PCDHB2: variants seen among roughly 807,000 people sequenced by gnomAD.
PCDHB2 encodes protocadherin beta-2.
For missense variants in PCDHB2, 914 were observed against 1,023.1 expected, an observed-to-expected ratio of 0.89 and a Z score of 1.45; for synonymous variants, 395 against 464.9, an observed-to-expected ratio of 0.85 and a Z score of 1.93.
rs1554271057 is a variant in PCDHB2 at position 141,094,777 on chromosome 5, G to C, written c.-14G>C. The stretch of plus-strand genomic sequence containing the variant: ...GCCAGAGCTGGAGCACGTTTGGTGA[G>C]AGACCAGAAAGCAATGGAGGCCGGA... On this transcript the variant is annotated 5_prime_UTR_variant, in exon 1 of 1. Transcript: ENST00000194155. 6.5e-7 allele frequency: 1 copy of C among 1,535,028 alleles called. No individual in the cohort carries two copies. Among genetic ancestry groups the C allele is most frequent in the Admixed American group, 2.1e-5 (1 of 48,536 alleles).
Position 141,096,714 on chromosome 5 carries a change from C to G in PCDHB2, c.1924C>G (p.Leu642Val). The change falls in exon 1 of 1, where the codon CTG becomes GTG. Residue 642 changes from leucine to valine, a missense_variant. Leu to Val is a conservative substitution (Grantham distance 32). Coordinates refer to ENST00000194155, the MANE Select transcript of PCDHB2 (RefSeq NM_018936.4). ...LRERDAAKQR[L>V]VVLVKDNGEP... Reference sequence around the variant, plus strand: ...GGAGCGCGACGCTGCCAAGCAGAGGCTGGTGGTGCTGGTCAAGGACAATGG... The same window carrying G: ...GGAGCGCGACGCTGCCAAGCAGAGGGTGGTGGTGCTGGTCAAGGACAATGG... The G allele has an allele frequency of 3.7e-6, 6 of 1,610,576 alleles. No individual in the cohort carries two copies. The highest frequency in any genetic ancestry group is 5.1e-6 in the Non-Finnish European group (6 of 1,179,674).
At position 141,096,228 on chromosome 5, in the gene PCDHB2, A is replaced by C. The variant is rs140532159; in HGVS notation, c.1438A>C (p.Arg480=). 5.6e-6 allele frequency: 9 copies of C among 1,612,754 alleles called. No homozygotes were observed. In the Admixed American group the frequency reaches 1.5e-4, roughly 27 times the overall value. The change falls in exon 1 of 1, where the codon AGA becomes CGA. Residue 480 remains arginine, a synonymous_variant. Coordinates refer to ENST00000194155, the MANE Select transcript of PCDHB2 (RefSeq NM_018936.4). The part of the protein sequence containing the change: ...LHIGSVSATD[R]DSGTNAQVTY... ...CATCGGCAGCGTCAGCGCCACAGAC[A>C]GAGACTCGGGCACCAACGCCCAGGT... is the stretch of plus-strand genomic sequence containing the variant.
rs538928578 is a variant in PCDHB2 at position 141,096,970 on chromosome 5, G to C, written c.2180G>C (p.Cys727Ser). ...AGCAGGGCGGCCTCGGTGGGTCGCT[G>C]CTCGGTGCCCGAGGGCCCCTTTCCA... ...RRSRAASVGRCSVPEGPFPGQ... is the reference protein window; with the variant it reads ...RRSRAASVGRSSVPEGPFPGQ... The change falls in exon 1 of 1, where the codon TGC becomes TCC. Residue 727 changes from cysteine (C) to serine (S), a missense_variant. Physicochemically the swap from Cys to Ser is moderately radical, Grantham distance 112. Coordinates refer to ENST00000194155, the MANE Select transcript of PCDHB2 (RefSeq NM_018936.4). 8.1e-6 allele frequency: 13 copies of C among 1,612,546 alleles called. No individual in the cohort carries two copies. Among genetic ancestry groups the C allele is most frequent in the Non-Finnish European group, 8.5e-7 (1 of 1,179,912 alleles).
rs782710698 is a variant in PCDHB2, at chr5:141,095,733, C to T, written c.943C>T (p.Gln315Ter). 3.7e-5 allele frequency: 60 copies of T among 1,614,016 alleles called. No individual in the cohort carries two copies. The highest frequency in any genetic ancestry group is 4.7e-5 in the Non-Finnish European group (56 of 1,180,006). ...ACAGAAACTGGATTTCGAATCCATCCAGACATACACAGTAAATATTCAGGC... is the reference window on the plus strand; with the variant it reads ...ACAGAAACTGGATTTCGAATCCATCTAGACATACACAGTAAATATTCAGGC... ...LRQKLDFESIQTYTVNIQATD... is the reference protein window; with the variant it reads ...LRQKLDFESI The change falls in exon 1 of 1, where the codon CAG (glutamine) becomes TAG (stop). Residue 315 changes from glutamine (Q) to a stop codon, truncating the protein, a stop_gained. Coordinates refer to ENST00000194155, the MANE Select transcript of PCDHB2 (RefSeq NM_018936.4). LOFTEE classifies it low-confidence loss of function (END_TRUNC).
In PCDHB2 at chr5:141,095,235, A is replaced by G; in HGVS notation, c.445A>G (p.Thr149Ala). 1 of 1,612,802 alleles carries G rather than the reference A, an allele frequency of 6.2e-7. No homozygotes were observed. Among genetic ancestry groups the G allele is most frequent in the Non-Finnish European group, 8.5e-7 (1 of 1,179,396 alleles). Residue 149 changes from threonine (T) to alanine (A), a missense_variant, in exon 1 of 1, where the codon ACT becomes GCT. Physicochemically the swap from Thr to Ala is moderately conservative, Grantham distance 58. Coordinates refer to ENST00000194155, the MANE Select transcript of PCDHB2 (RefSeq NM_018936.4). The part of the protein sequence containing the change: ...EILLKIPESI[T>A]PGTTFLIERA... ...ACTTTTGAAAATTCCAGAAAGTATC[A>G]CTCCTGGAACTACTTTCTTAATAGA...
At position 141,098,364 on chromosome 5, in the gene PCDHB2, A is replaced by G. The variant is rs1333878491; in HGVS notation, c.*1177A>G. ...TTTGTCCTTTACCTTTAGAACCCTCAAACATAGCTTGGTATTGCTGTTTTT... is the reference window on the plus strand; with the variant it reads ...TTTGTCCTTTACCTTTAGAACCCTCGAACATAGCTTGGTATTGCTGTTTTT... On this transcript the variant is annotated 3_prime_UTR_variant, in exon 1 of 1. Coordinates refer to ENST00000194155, the MANE Select transcript of PCDHB2 (RefSeq NM_018936.4). 1 of 152,212 alleles carries G rather than the reference A, an allele frequency of 6.6e-6. No individual in the cohort carries two copies. Among genetic ancestry groups the G allele is most frequent in the Non-Finnish European group, 1.5e-5 (1 of 68,046 alleles). 9.4% of individuals were successfully genotyped at this position (152,212 alleles called of 1,614,324 possible). A position where few individuals can be genotyped will look rare whatever the true frequency, so the allele number is the denominator to read the frequency against.
At position 141,096,222 on chromosome 5, in the gene PCDHB2, A is replaced by G. The variant is rs576356081; in HGVS notation, c.1432A>G (p.Thr478Ala). ...CCTGCACATCGGCAGCGTCAGCGCC[A>G]CAGACAGAGACTCGGGCACCAACGC... ...PALHIGSVSA[T>A]DRDSGTNAQV... The change falls in exon 1 of 1, where the codon ACA becomes GCA. Residue 478 changes from threonine (T) to alanine (A), a missense_variant. Thr to Ala is a moderately conservative substitution (Grantham distance 58). Transcript: ENST00000194155. 5.1e-5 allele frequency: 83 copies of G among 1,613,032 alleles called. No individual in the cohort carries two copies. Among genetic ancestry groups the G allele is most frequent in the Admixed American group, 3.3e-4 (20 of 60,034 alleles).
rs782437658 is a variant in PCDHB2, at chr5:141,096,857, C to T, written c.2067C>T (p.Thr689=). The part of the protein sequence containing the change: ...APAQAQADLL[T]VYLVVALASV... ...CCCAGGCCCAGGCCGACTTGCTCAC[C>T]GTCTACCTGGTGGTGGCGTTGGCCT... is the stretch of plus-strand genomic sequence containing the variant. Residue 689 remains threonine (T), a synonymous_variant, in exon 1 of 1, where the codon ACC becomes ACT. Transcript: ENST00000194155. 3 of 1,611,502 alleles carry T rather than the reference C, an allele frequency of 1.9e-6. No individual in the cohort carries two copies. Among genetic ancestry groups the T allele is most frequent in the Non-Finnish European group, 2.5e-6 (3 of 1,179,806 alleles).
In PCDHB2 at chr5:141,095,060, G is replaced by T; in HGVS notation, c.270G>T (p.Glu90Asp). Residue 90 changes from glutamate to aspartate, a missense_variant, in exon 1 of 1, where the codon GAG becomes GAT. Coordinates refer to ENST00000194155, the MANE Select transcript of PCDHB2 (RefSeq NM_018936.4). Reference sequence around the variant, plus strand: ...AGACCGGGGATTTGTTGTTAAATGAGAAATTGGACCGGGAGGAGCTGTGCG... The same window carrying T: ...AGACCGGGGATTTGTTGTTAAATGATAAATTGGACCGGGAGGAGCTGTGCG... ...DRQTGDLLLN[E>D]KLDREELCGP... is the part of the protein sequence containing the mutation. The T allele has an allele frequency of 6.2e-7, 1 of 1,614,122 alleles. No homozygotes were observed. Among genetic ancestry groups the T allele is most frequent in the South Asian group, 1.1e-5 (1 of 91,076 alleles).
rs782310188 is a variant in PCDHB2 at position 141,095,153 on chromosome 5, G to A, written c.363G>A (p.Ala121=). ...AAAATCCCTTGCAGTTTTTTCAGGC[G>A]GAGCTACGGATTAGGGACGTAAATG... ...LLENPLQFFQ[A]ELRIRDVNDH... is the part of the protein sequence containing the mutation. The change falls in exon 1 of 1, where the codon GCG becomes GCA. Residue 121 remains alanine, a synonymous_variant. Transcript: ENST00000194155. 1.9e-6 allele frequency: 3 copies of A among 1,612,412 alleles called. No homozygotes were observed. The highest frequency in any genetic ancestry group is 2.5e-6 in the Non-Finnish European group (3 of 1,179,336).
In PCDHB2 at chr5:141,095,626, T is replaced by A. The variant is rs1554271296; in HGVS notation, c.836T>A (p.Ile279Lys). The A allele has an allele frequency of 6.2e-7, 1 of 1,614,162 alleles. No individual in the cohort carries two copies. Among genetic ancestry groups the A allele is most frequent in the Non-Finnish European group, 8.5e-7 (1 of 1,180,028 alleles). Residue 279 changes from isoleucine to lysine, a missense_variant, in exon 1 of 1, where the codon ATA becomes AAA. By Grantham distance (102) the Ile-to-Lys change is moderately radical. Coordinates refer to ENST00000194155, the MANE Select transcript of PCDHB2 (RefSeq NM_018936.4). ...TTAGACATTGGAACTAATGGAGAAATATCTTATGCATTTTCCCAAGCATCT... is the reference window on the plus strand; with the variant it reads ...TTAGACATTGGAACTAATGGAGAAAAATCTTATGCATTTTCCCAAGCATCT... Reference protein sequence around the residue: ...RDLDIGTNGEISYAFSQASED... With the variant: ...RDLDIGTNGEKSYAFSQASED...
At position 141,096,896 on chromosome 5, in the gene PCDHB2, C is replaced by G. The variant is rs782127180; in HGVS notation, c.2106C>G (p.Leu702=). ...LVVALASVSS[L]FLFSVLLFVA... is the part of the protein sequence containing the mutation. ...TGGCGTTGGCCTCGGTGTCTTCGCT[C>G]TTCCTCTTCTCGGTGCTCCTGTTCG... The change falls in exon 1 of 1, where the codon CTC becomes CTG. Residue 702 remains leucine (L), a synonymous_variant. Transcript: ENST00000194155. The G allele has an allele frequency of 1.9e-6, 3 of 1,612,124 alleles. No individual in the cohort carries two copies. The African/African-American group carries it at 4.0e-5, about 22-fold the overall frequency.
rs571621697 is a variant in PCDHB2, at chr5:141,096,387, G to A, written c.1597G>A (p.Val533Met). ...GGCCCTGCAGGCGTTCGAGTTCCGC[G>A]TGGGCGCCGCAGACCGCGGCTCCCC... ...YEALQAFEFR[V>M]GAADRGSPAL... is the part of the protein sequence containing the mutation. The change falls in exon 1 of 1, where the codon GTG becomes ATG. Residue 533 changes from valine (V) to methionine (M), a missense_variant. Physicochemically the swap from Val to Met is conservative, Grantham distance 21. Transcript: ENST00000194155. 1.2e-6 allele frequency: 2 copies of A among 1,612,654 alleles called. No individual in the cohort carries two copies. Among genetic ancestry groups the A allele is most frequent in the Admixed American group, 1.7e-5 (1 of 60,008 alleles).
rs782479069 is a variant in PCDHB2 at position 141,095,744 on chromosome 5, A to G, written c.954A>G (p.Thr318=). 44 of 1,614,094 alleles carry G rather than the reference A, an allele frequency of 2.7e-5. No individual in the cohort carries two copies. In the South Asian group the frequency reaches 3.1e-4, roughly 11 times the overall value. ...ATTTCGAATCCATCCAGACATACACAGTAAATATTCAGGCGACAGATGGTG... is the reference window on the plus strand; with the variant it reads ...ATTTCGAATCCATCCAGACATACACGGTAAATATTCAGGCGACAGATGGTG... The part of the protein sequence containing the change: ...KLDFESIQTY[T]VNIQATDGGG... Residue 318 remains threonine, a synonymous_variant, in exon 1 of 1, where the codon ACA becomes ACG. Transcript: ENST00000194155.
In PCDHB2 at chr5:141,096,646, T is replaced by A; in HGVS notation, c.1856T>A (p.Val619Glu). The change falls in exon 1 of 1, where the codon GTG (valine) becomes GAG (glutamate). Residue 619 changes from valine (V) to glutamate (E), a missense_variant. Transcript: ENST00000194155. ...GCCACGGAGCCCGGGCTGTTCGGCG[T>A]GTGGGCGCACAATGGCGAGGTGCGC... is the stretch of plus-strand genomic sequence containing the variant. ...LKATEPGLFG[V>E]WAHNGEVRTA... 1 of 1,608,988 alleles carries A rather than the reference T, an allele frequency of 6.2e-7. No homozygotes were observed.
chr5:141,097,199 G>T lies in PCDHB2; in HGVS notation c.*12G>T. On this transcript the variant is annotated 3_prime_UTR_variant, in exon 1 of 1. Coordinates refer to ENST00000194155, the MANE Select transcript of PCDHB2 (RefSeq NM_018936.4). ...TTGAATTCACTTAAGTGTTAATAAG[G>T]ATCTACTGAGGCTAGTCTCGTTTAA... The T allele has an allele frequency of 1.3e-6, 2 of 1,597,286 alleles. No homozygotes were observed. The highest frequency in any genetic ancestry group is 1.7e-6 in the Non-Finnish European group (2 of 1,170,558).
chr5:141,097,116 T>C lies in PCDHB2; in HGVS notation c.2326T>C (p.Phe776Leu), dbSNP rs781889430. 3 of 1,606,456 alleles carry C rather than the reference T, an allele frequency of 1.9e-6. No individual in the cohort carries two copies. Among genetic ancestry groups the C allele is most frequent in the Non-Finnish European group, 2.6e-6 (3 of 1,176,134 alleles). ...FKFLKPIIPN[F>L]VAQGAERVSE... is the part of the protein sequence containing the mutation. ...GTTCCTGAAGCCAATTATCCCCAAC[T>C]TCGTTGCTCAGGGTGCAGAGAGGGT... Residue 776 changes from phenylalanine to leucine, a missense_variant, in exon 1 of 1, where the codon TTC becomes CTC. Transcript: ENST00000194155.
Position 141,096,011 on chromosome 5 carries a change from A to G in PCDHB2, c.1221A>G (p.Ile407Met), listed in dbSNP as rs1751806673. 6.2e-7 allele frequency: 1 copy of G among 1,614,100 alleles called. No homozygotes were observed. The highest frequency in any genetic ancestry group is 2.2e-5 in the East Asian group (1 of 44,870). ...PSVENFYTLV[I>M]STALDRETRS... ...TTGAGAACTTTTACACTCTGGTGAT[A>G]AGCACGGCCCTGGACCGGGAGACCA... Residue 407 changes from isoleucine to methionine, a missense_variant, in exon 1 of 1, where the codon ATA (isoleucine) becomes ATG (methionine). Coordinates refer to ENST00000194155, the MANE Select transcript of PCDHB2 (RefSeq NM_018936.4).
At position 141,097,254 on chromosome 5, in the gene PCDHB2, C is replaced by A; in HGVS notation, c.*67C>A. 6.7e-7 allele frequency: 1 copy of A among 1,486,488 alleles called. No individual in the cohort carries two copies. Among genetic ancestry groups the A allele is most frequent in the Admixed American group, 2.2e-5 (1 of 45,644 alleles). The allele number at this position is 1,486,488 out of a possible 1,614,324, so 92.1% of individuals were successfully genotyped here. A position where few individuals can be genotyped will look rare whatever the true frequency, so the allele number is the denominator to read the frequency against. On this transcript the variant is annotated 3_prime_UTR_variant, in exon 1 of 1. Coordinates refer to ENST00000194155, the MANE Select transcript of PCDHB2 (RefSeq NM_018936.4). Reference sequence around the variant, plus strand: ...TGGAAAGTCCTTTTTTACTGCTTTGCCCATTGGAGGTGTCTCCTTTTATTA... The same window carrying A: ...TGGAAAGTCCTTTTTTACTGCTTTGACCATTGGAGGTGTCTCCTTTTATTA...
Sources: allele counts gnomAD v4.1 joint callset, GRCh38; gene constraint gnomAD v4.1.1; transcripts MANE v1.5; gene names NCBI Gene and HGNC (gene_info 2026-07-23, HGNC 2026-07-21).